The following TEAD1 variants were observed in gnomAD, a reference collection of about 807,000 sequenced individuals.
TEAD1 encodes the protein TEA domain transcription factor 1, also known as transcriptional enhancer factor TEF-1.
In TEAD1, 9 loss-of-function variants were observed where a neutral mutation model predicts 54.9. The observed-to-expected ratio is 0.16, with a 90% CI of 0.10 to 0.29. TEAD1 has a LOEUF of 0.29. Among genes scored for constraint, TEAD1 ranks in the 10% least tolerant of loss-of-function variants. TEAD1 has a pLI of 1.00. For missense variants in TEAD1, 387 were observed against 535.9 expected, an observed-to-expected ratio of 0.72 and a Z score of 2.74; for synonymous variants, 200 against 187.8, an observed-to-expected ratio of 1.07 and a Z score of -0.53.
At chr11:12,681,811 C>G (rs192465361) in intron 2 of TEAD1, among the ~76,000 whole-genome samples, 2 of 152,258 alleles carry the variant, frequency 1.3e-5, no homozygotes, top group African/African-American at 2.4e-5. Flanking sequence ...GGCCCTGCAC[C>G]TTTTCTCACA....
chr11:12,827,441 C>G lies in TEAD1; in HGVS notation c.203-34809C>G, dbSNP rs144967436. The stretch of plus-strand genomic sequence containing the variant: ...AATCTCATTTCATTCTGTCAACAAC[C>G]CTAGGCTTGGGGTGGGTGTGTTGGT... On this transcript the variant is annotated intron_variant, in intron 3 of 12. Coordinates refer to ENST00000527636, the MANE Select transcript of TEAD1 (RefSeq NM_021961.6). Among the ~76,000 whole-genome samples, 690 of 152,190 alleles carry G rather than the reference C, an allele frequency of 4.5e-3. 4 individuals carry two copies. The highest frequency in any genetic ancestry group is 6.8e-3 in the Admixed American group (104 of 15,294).
intron 3 of TEAD1, among the ~76,000 whole-genome samples, chr11:12,764,841 A>G (rs1303890832): frequency 1.3e-5 from 2 of 150,368 alleles, no homozygotes; most frequent in Non-Finnish European, 3.0e-5. Flanking sequence ...GTGCTCCCGA[A>G]TCCCTTGATT....
chr11:12,883,390 C>T (rs538869063), intron 9 of TEAD1, among the ~76,000 whole-genome samples: 14 of 152,232 alleles, frequency 9.2e-5, no homozygotes, highest in African/African-American at 2.9e-4. Flanking sequence ...GAGAGAGGGA[C>T]GTTTACAAGC....
At chr11:12,726,997 T>TG (rs1944326190) in intron 2 of TEAD1, among the ~76,000 whole-genome samples, 1 of 152,144 alleles carries the variant, frequency 6.6e-6, no homozygotes, top group South Asian at 2.1e-4. Context: ...CCCAGCACTT[T>TG]GGGAGCCTGA....
intron 7 of TEAD1, among the ~76,000 whole-genome samples, chr11:12,881,404 C>T (rs979723126): frequency 1.3e-5 from 2 of 152,186 alleles, no homozygotes; most frequent in Non-Finnish European, 2.9e-5. Context: ...TCATTCTAGC[C>T]AGCCCTGTAG....
At chr11:12,751,151 A>G (rs541820792) in intron 2 of TEAD1, among the ~76,000 whole-genome samples, 16 of 152,248 alleles carry the variant, frequency 1.1e-4, no homozygotes, top group African/African-American at 3.9e-4. Flanking sequence ...AAACCGAAAT[A>G]ATTAGCTGGG....
intron 2 of TEAD1, among the ~76,000 whole-genome samples, chr11:12,704,089 A>G (rs146966389): frequency 1.1e-3 from 171 of 152,318 alleles, no homozygotes; most frequent in African/African-American, 4.1e-3. Flanking sequence ...ATTTCTTTTT[A>G]TGGTTATGTT....
chr11:12,848,569 C>A (rs182958375), intron 3 of TEAD1, among the ~76,000 whole-genome samples: 1 of 152,198 alleles, frequency 6.6e-6, no homozygotes, highest in East Asian at 1.9e-4. Context: ...TTCTTAACTT[C>A]TTTGAACTGC....
chr11:12,686,681 G>A (rs1449270194), intron 2 of TEAD1, among the ~76,000 whole-genome samples: 1 of 152,034 alleles, frequency 6.6e-6, no homozygotes, highest in African/African-American at 2.4e-5. Context: ...TTGTTCTGAG[G>A]GAGACTGTGT....
intron 9 of TEAD1, among the ~76,000 whole-genome samples, chr11:12,890,699 T>A (rs1948181377): frequency 6.6e-6 from 1 of 152,230 alleles, no homozygotes; most frequent in Non-Finnish European, 1.5e-5. Context: ...TGGACAGGGA[T>A]CAAGCTTGCG....
At chr11:12,834,998 T>G (rs1266240487) in intron 3 of TEAD1, among the ~76,000 whole-genome samples, 1 of 152,126 alleles carries the variant, frequency 6.6e-6, no homozygotes, top group Non-Finnish European at 1.5e-5. Context: ...AGTTTTGTGA[T>G]TTTTTTATAT....
At chr11:12,878,029 A>G (rs1354457069) in intron 5 of TEAD1, among the ~76,000 whole-genome samples, 1 of 149,506 alleles carries the variant, frequency 6.7e-6, no homozygotes, top group Non-Finnish European at 1.5e-5. Flanking sequence ...CTGGTCTTGA[A>G]CTCCTGGGCC....
At position 12,800,618 on chromosome 11, in the gene TEAD1, A is replaced by G. The variant is rs571855976; in HGVS notation, c.202+36184A>G. 2.0e-5 allele frequency among the ~76,000 whole-genome samples: 3 copies of G among 152,342 alleles called. No individual in the cohort carries two copies. The South Asian group carries it at 6.2e-4, about 32-fold the overall frequency. Reference sequence around the variant, plus strand: ...TTCCCTCCTCCTGACCGCTGTACTTAGCACAGCACGTAGAGGGGACTGTAG... The same window carrying G: ...TTCCCTCCTCCTGACCGCTGTACTTGGCACAGCACGTAGAGGGGACTGTAG... On this transcript the variant is annotated intron_variant, in intron 3 of 12. Coordinates refer to ENST00000527636, the MANE Select transcript of TEAD1 (RefSeq NM_021961.6).
At chr11:12,930,046 G>C in intron 11 of TEAD1, 128 bp from the exon 12 acceptor site, 1 of 982,868 alleles carries the variant, frequency 1.0e-6, no homozygotes, top group South Asian at 1.4e-5. Flanking sequence ...AGTAGATTAC[G>C]TAAGTAGTAT....
At chr11:12,689,646 T>A (rs1334969291) in intron 2 of TEAD1, among the ~76,000 whole-genome samples, 1 of 152,188 alleles carries the variant, frequency 6.6e-6, no homozygotes, top group Non-Finnish European at 1.5e-5. Context: ...TCTCTCTTTT[T>A]GAAGGAGGGG....
chr11:12,810,040 G>C (rs1268151940), intron 3 of TEAD1, among the ~76,000 whole-genome samples: 1 of 126,426 alleles, frequency 7.9e-6, no homozygotes, highest in Non-Finnish European at 1.6e-5. Flanking sequence ...TAGTGCAGTT[G>C]TGCAATCTTA....
intron 2 of TEAD1, among the ~76,000 whole-genome samples, chr11:12,729,113 G>A (rs901739561): frequency 6.6e-6 from 1 of 152,214 alleles, no homozygotes; most frequent in African/African-American, 2.4e-5. Flanking sequence ...AGGACTTGGT[G>A]CCTGGAAAAG....
At chr11:12,863,352 G>A (rs866010394) in intron 4 of TEAD1, among the ~76,000 whole-genome samples, 16 of 152,180 alleles carry the variant, frequency 1.1e-4, no homozygotes, top group African/African-American at 3.6e-4. Flanking sequence ...TGTCTGTTTG[G>A]GGGATGCTAG....
At chr11:12,684,169 A>G (rs969837736) in intron 2 of TEAD1, among the ~76,000 whole-genome samples, 1 of 150,994 alleles carries the variant, frequency 6.6e-6, no homozygotes, top group African/African-American at 2.5e-5. Context: ...AGGCTGAGGC[A>G]AGCCCATAAA....
Sources: allele counts gnomAD v4.1 joint callset (sites outside exome capture counted in the v4.1 genomes callset), GRCh38; gene constraint gnomAD v4.1.1; transcripts MANE v1.5; gene names NCBI Gene and HGNC (gene_info 2026-07-23, HGNC 2026-07-21).